MTG1: variants seen among roughly 807,000 people sequenced by gnomAD.
MTG1 encodes mitochondrial ribosome-associated GTPase 1.
MTG1 carries 30 observed loss-of-function variants against 39.5 expected under a neutral mutation model. The ratio of observed to expected loss-of-function variants is 0.76; its 90% confidence interval spans 0.57 to 1.03. The LOEUF (loss-of-function observed/expected upper bound fraction) is 1.03. MTG1 is among the 50% of genes least tolerant of loss of function. MTG1 has a pLI of 0.00. For missense variants in MTG1, 513 were observed against 447.4 expected, an observed-to-expected ratio of 1.15 and a Z score of -1.32; for synonymous variants, 217 against 179.0, an observed-to-expected ratio of 1.21 and a Z score of -1.69.
intron 10 of MTG1, 151 bp from the exon 11 acceptor site, chr10:133,419,875 C>T (rs1850200820): frequency 1.0e-6 from 1 of 988,282 alleles, no homozygotes; most frequent in East Asian, 2.5e-5. Flanking sequence ...GGCAGCGTAG[C>T]TCAAGCTGTT....
chr10:133,400,008 C>T (rs1197502096), intron 6 of MTG1, among the ~76,000 whole-genome samples: 2 of 152,026 alleles, frequency 1.3e-5, no homozygotes, highest in South Asian at 2.1e-4. Context: ...CTTGCTGAAA[C>T]GGTGAAACCC....
In MTG1 at chr10:133,399,628, G is replaced by A. The variant is rs747128021; in HGVS notation, c.511+9G>A. The A allele has an allele frequency of 6.2e-6, 10 of 1,613,036 alleles. No individual in the cohort carries two copies. Among genetic ancestry groups the A allele is most frequent in the African/African-American group, 4.0e-5 (3 of 74,880 alleles). ...GCAGCACCTCAGGAAAGGTACTGGC[G>A]CGTGCGGCTGATCACCTCAGGAAAG... On this transcript the variant is annotated intron_variant, in intron 6 of 10. Transcript: ENST00000317502.
chr10:133,400,778 C>G (rs1849863053), intron 6 of MTG1, among the ~76,000 whole-genome samples: 1 of 152,210 alleles, frequency 6.6e-6, no homozygotes, highest in Admixed American at 6.5e-5. Context: ...TCCTACACCC[C>G]TCGTTCCACT....
rs758104138 is a variant in MTG1, at chr10:133,402,660, T to G, written c.671-32T>G. The G allele has an allele frequency of 5.1e-6, 8 of 1,571,794 alleles. No individual in the cohort carries two copies. In the African/African-American group the frequency reaches 6.7e-5, roughly 13 times the overall value. ...TGGCAGGAACATAGATGTGGCTGTT[T>G]CCAGTGCTCACCTCGGCTGCTGCTT... On this transcript the variant is annotated intron_variant, in intron 8 of 10. Transcript: ENST00000317502. The surrounding 1 kb of genome is among the most constrained non-coding windows in gnomAD (Gnocchi z 4.7).
In MTG1 at chr10:133,394,299, G is replaced by A. The variant is rs1849746436; in HGVS notation, c.79G>A (p.Val27Met). Reference protein sequence around the residue: ...RENFPLCGRDVARWFPGHMAK... With the variant: ...RENFPLCGRDMARWFPGHMAK... ...GAACTTCCCCCTGTGCGGTCGCGACGTGGCGCGCTGGTTCCCGGGCCACAT... is the reference window on the plus strand; with the variant it reads ...GAACTTCCCCCTGTGCGGTCGCGACATGGCGCGCTGGTTCCCGGGCCACAT... Residue 27 changes from valine to methionine, a missense_variant, in exon 1 of 11, where the codon GTG becomes ATG. Coordinates refer to ENST00000317502, the MANE Select transcript of MTG1 (RefSeq NM_138384.4). 3.3e-6 allele frequency: 5 copies of A among 1,516,552 alleles called. No individual in the cohort carries two copies. The highest frequency in any genetic ancestry group is 4.4e-6 in the Non-Finnish European group (5 of 1,136,586). The allele number at this position is 1,516,552 out of a possible 1,614,324, so 93.9% of individuals were successfully genotyped here. A position where few individuals can be genotyped will look rare whatever the true frequency, so the allele number is the denominator to read the frequency against.
chr10:133,408,538 T>A (rs1850001575), intron 9 of MTG1, among the ~76,000 whole-genome samples: 1 of 152,216 alleles, frequency 6.6e-6, no homozygotes, highest in Non-Finnish European at 1.5e-5. Flanking sequence ...TATCCTTGTC[T>A]GGTTTTTGTA....
chr10:133,415,196 CGGAGCGGGAGCG>C (rs997829839), intron 9 of MTG1, among the ~76,000 whole-genome samples: 1 of 150,734 alleles, frequency 6.6e-6, no homozygotes, highest in African/African-American at 2.4e-5. Flanking sequence ...GGAGAGGGAG[CGGAGCGGGAGCG>C]GGAGAGGGAG....
intron 1 of MTG1, among the ~76,000 whole-genome samples, chr10:133,395,072 A>G (rs141634002): frequency 2.0e-5 from 3 of 152,336 alleles, no homozygotes; most frequent in East Asian, 3.9e-4. Context: ...CTAATGAGCC[A>G]GTGTTACTCT....
chr10:133,405,983 C>T (rs928486822), intron 9 of MTG1, among the ~76,000 whole-genome samples: 2 of 152,212 alleles, frequency 1.3e-5, no homozygotes, highest in Admixed American at 6.5e-5. Flanking sequence ...TTCTCTACAT[C>T]CTCAACAGCA....
Position 133,396,664 on chromosome 10 carries a change from A to G in MTG1, c.282+397A>G, listed in dbSNP as rs1399636506. ...ATACTAGATATAGGTCATAGATATG[A>G]TTGTATATGAATATTACTAATCATT... On this transcript the variant is annotated intron_variant, in intron 3 of 10. Transcript: ENST00000317502. Among the ~76,000 whole-genome samples, 5 of 152,232 alleles carry G rather than the reference A, an allele frequency of 3.3e-5. No homozygotes were observed. The East Asian group carries it at 9.6e-4, about 29-fold the overall frequency.
intron 2 of MTG1, among the ~76,000 whole-genome samples, 171 bp downstream of exon 2, chr10:133,395,948 A>G (rs1157547427): frequency 2.6e-5 from 4 of 152,200 alleles, no homozygotes; most frequent in Non-Finnish European, 4.4e-5. Flanking sequence ...CATTGTTAAT[A>G]CATATATCTG....
At chr10:133,413,018 T>G (rs972643165) in intron 9 of MTG1, among the ~76,000 whole-genome samples, 6 of 152,246 alleles carry the variant, frequency 3.9e-5, no homozygotes, top group Non-Finnish European at 1.5e-5. Flanking sequence ...GTCCTCTTGA[T>G]GATTTGATGC....
At position 133,402,073 on chromosome 10, in the gene MTG1, G is replaced by C. The variant is rs1212065885; in HGVS notation, c.574-76G>C. ...CTCGGAGCATTGGGTGCCAGGGGCT[G>C]CCCAGGCTTCCTGAGTGGCCCACCT... On this transcript the variant is annotated intron_variant, in intron 7 of 10. Transcript: ENST00000317502. This position sits in a 1 kb window ranked among gnomAD's most constrained non-coding sequence, Gnocchi z 4.7. The C allele has an allele frequency of 6.4e-7, 1 of 1,573,948 alleles. No individual in the cohort carries two copies. The highest frequency in any genetic ancestry group is 8.7e-7 in the Non-Finnish European group (1 of 1,148,386).
In MTG1 at chr10:133,417,876, A is replaced by G. The variant is rs375083520; in HGVS notation, c.753-1604A>G. 9.0e-3 allele frequency among the ~76,000 whole-genome samples: 1,373 copies of G among 152,284 alleles called. 16 individuals are homozygous for G. The highest frequency in any genetic ancestry group is 0.023 in the African/African-American group (975 of 41,538). On this transcript the variant is annotated intron_variant, in intron 9 of 10. Coordinates refer to ENST00000317502, the MANE Select transcript of MTG1 (RefSeq NM_138384.4). Reference sequence around the variant, plus strand: ...ACCACTGCTCAATGAAATAAAAGAGAATACAAACAAATGGAAGAACATTCC... The same window carrying G: ...ACCACTGCTCAATGAAATAAAAGAGGATACAAACAAATGGAAGAACATTCC...
At chr10:133,416,013 G>GGGCAGGCGGGTGTC (rs1564823379) in intron 9 of MTG1, among the ~76,000 whole-genome samples, 1 of 134,726 alleles carries the variant, frequency 7.4e-6, no homozygotes, top group African/African-American at 3.2e-5. Context: ...GGCGGGTGTC[G>GGGCAGGCGGGTGTC]GGCACGTGGG....
intron 9 of MTG1, among the ~76,000 whole-genome samples, chr10:133,415,968 C>T (rs1010862549): frequency 4.0e-5 from 4 of 99,730 alleles, no homozygotes; most frequent in East Asian, 3.8e-4. Context: ...ACGCGGGTGT[C>T]GGGCAGGCGG....
Position 133,399,511 on chromosome 10 carries a change from C to T in MTG1, c.421-18C>T. 11 of 1,612,952 alleles carry T rather than the reference C, an allele frequency of 6.8e-6. No individual in the cohort carries two copies. Among genetic ancestry groups the T allele is most frequent in the Non-Finnish European group, 9.3e-6 (11 of 1,179,172 alleles). ...GCGGCCACGGTGGGCCCTGTGACCC[C>T]TCTCTCTGCCTGCGCAGAACCTGGA... On this transcript the variant is annotated intron_variant, in intron 5 of 10. Coordinates refer to ENST00000317502, the MANE Select transcript of MTG1 (RefSeq NM_138384.4).
intron 6 of MTG1, among the ~76,000 whole-genome samples, chr10:133,400,331 G>C (rs1849856655): frequency 6.6e-6 from 1 of 152,256 alleles, no homozygotes; most frequent in Non-Finnish European, 1.5e-5. Flanking sequence ...TTTGCTGGAG[G>C]GTTCCTGGAC....
chr10:133,402,048 C>A lies in MTG1; in HGVS notation c.574-101C>A. The A allele has an allele frequency of 6.9e-7, 1 of 1,448,830 alleles. No individual in the cohort carries two copies. Among genetic ancestry groups the A allele is most frequent in the Non-Finnish European group, 9.6e-7 (1 of 1,041,778 alleles). 89.7% of individuals were successfully genotyped at this position (1,448,830 alleles called of 1,614,324 possible). Reference sequence around the variant, plus strand: ...ATGGGGTTGGGTCCCTGAGGCCTTCCTCGGAGCATTGGGTGCCAGGGGCTG... The same window carrying A: ...ATGGGGTTGGGTCCCTGAGGCCTTCATCGGAGCATTGGGTGCCAGGGGCTG... On this transcript the variant is annotated intron_variant, in intron 7 of 10. Coordinates refer to ENST00000317502, the MANE Select transcript of MTG1 (RefSeq NM_138384.4). This position sits in a 1 kb window ranked among gnomAD's most constrained non-coding sequence, Gnocchi z 4.7.
Sources: gnomAD v4.1 joint callset for allele counts (sites outside exome capture counted in the v4.1 genomes callset) on GRCh38, gnomAD v4.1.1 for gene constraint, Gnocchi (gnomAD v3.1) non-coding constraint, MANE v1.5 for transcripts, NCBI Gene and HGNC (gene_info 2026-07-23, HGNC 2026-07-21) for gene names.